The following CADPS2 variants were observed in gnomAD, a reference collection of about 807,000 sequenced individuals.
The protein encoded by CADPS2 is calcium-dependent secretion activator 2.
In CADPS2, 93 loss-of-function variants were observed where a neutral mutation model predicts 172.5. The observed-to-expected ratio is 0.54, with a 90% CI of 0.46 to 0.64. The LOEUF (loss-of-function observed/expected upper bound fraction) is 0.64, where lower values mean the gene tolerates loss of function less well. Among genes scored for constraint, CADPS2 ranks in the 30% least tolerant of loss-of-function variants. CADPS2 has a pLI of 0.00. For synonymous variants in CADPS2, 546 were observed against 555.2 expected, an observed-to-expected ratio of 0.98 and a Z score of 0.23; for missense variants, 1,420 against 1,565.9, an observed-to-expected ratio of 0.91 and a Z score of 1.57.
intron 1 of CADPS2, among the ~76,000 whole-genome samples, chr7:122,754,236 A>C (rs2093066495): frequency 6.6e-6 from 1 of 151,938 alleles, no homozygotes; most frequent in African/African-American, 2.4e-5. Flanking sequence ...ACTATTACTA[A>C]TTTTTCTTAT....
intron 12 of CADPS2, among the ~76,000 whole-genome samples, chr7:122,476,677 CAG>C (rs2056654372): frequency 6.6e-6 from 1 of 151,988 alleles, no homozygotes; most frequent in Non-Finnish European, 1.5e-5. Context: ...TCGGAAAAAA[CAG>C]ACAGGCAAAC....
chr7:122,502,268 T>C, intron 9 of CADPS2, among the ~76,000 whole-genome samples: 1 of 152,324 alleles, frequency 6.6e-6, no homozygotes, highest in South Asian at 2.1e-4. Context: ...TTAATAATTT[T>C]TCTCTTAAAT....
At chr7:122,763,450 C>T (rs1387627692) in intron 1 of CADPS2, among the ~76,000 whole-genome samples, 1 of 152,058 alleles carries the variant, frequency 6.6e-6, no homozygotes, top group South Asian at 2.1e-4. Flanking sequence ...AAATATGGGT[C>T]ATATGTATTT....
chr7:122,794,794 T>C (rs558196306), intron 1 of CADPS2, among the ~76,000 whole-genome samples: 3 of 149,672 alleles, frequency 2.0e-5, no homozygotes, highest in East Asian at 2.0e-4. Flanking sequence ...CATAATCAAA[T>C]TGGAAATCAA....
chr7:122,752,366 T>TA (rs2092987802), intron 1 of CADPS2, among the ~76,000 whole-genome samples: 1 of 152,182 alleles, frequency 6.6e-6, no homozygotes, highest in African/African-American at 2.4e-5. Context: ...GGAAGAGCTT[T>TA]CTGAAATCCT....
At chr7:122,879,028 G>A (rs1822118447) in intron 1 of CADPS2, among the ~76,000 whole-genome samples, 1 of 152,030 alleles carries the variant, frequency 6.6e-6, no homozygotes, top group Admixed American at 6.5e-5. Flanking sequence ...CTGAGGCCAG[G>A]AGTTTGAGAC....
chr7:122,640,494 GAT>G (rs2077505272), intron 3 of CADPS2, among the ~76,000 whole-genome samples: 5 of 139,054 alleles, frequency 3.6e-5, no homozygotes, highest in African/African-American at 1.0e-4. Flanking sequence ...CACACACAGA[GAT>G]AGAGAGAGAG....
At chr7:122,361,099 C>T (rs1585257846) in intron 25 of CADPS2, 86 bp from the exon 26 acceptor site, 1 of 1,116,638 alleles carries the variant, frequency 9.0e-7, no homozygotes, top group Non-Finnish European at 1.3e-6. Context: ...TCAATTTCTT[C>T]CATCGCACAA....
intron 1 of CADPS2, among the ~76,000 whole-genome samples, chr7:122,739,445 A>G (rs1017854702): frequency 3.9e-5 from 6 of 152,224 alleles, no homozygotes; most frequent in African/African-American, 1.4e-4. Context: ...TTCCGCTATT[A>G]TAACAGTGAG....
At chr7:122,753,276 C>T (rs751783379) in intron 1 of CADPS2, among the ~76,000 whole-genome samples, 49 of 152,280 alleles carry the variant, frequency 3.2e-4, no homozygotes, top group Non-Finnish European at 6.2e-4. Flanking sequence ...TCACATTATT[C>T]ATTGTTTAAG....
chr7:122,534,801 A>C (rs532426074), intron 8 of CADPS2, among the ~76,000 whole-genome samples: 40 of 152,124 alleles, frequency 2.6e-4, no homozygotes, highest in Non-Finnish European at 5.3e-4. Context: ...CAATGAAATC[A>C]ATTTCAAAAT....
At chr7:122,508,253 T>A (rs1031219502) in intron 9 of CADPS2, among the ~76,000 whole-genome samples, 2 of 151,950 alleles carry the variant, frequency 1.3e-5, no homozygotes, top group East Asian at 3.9e-4. Context: ...ACAAGAATAC[T>A]CCCACATATA....
At position 122,528,688 on chromosome 7, in the gene CADPS2, G is replaced by C. The variant is rs545557878; in HGVS notation, c.1476-15373C>G. ...ACAAAACTATATTCACAGTGCTTCT[G>C]CTTATGAATGTAGGACACATAAAAA... On this transcript the variant is annotated intron_variant, in intron 8 of 29. Coordinates refer to ENST00000449022, the MANE Select transcript of CADPS2 (RefSeq NM_017954.11). 2.0e-5 allele frequency among the ~76,000 whole-genome samples: 3 copies of C among 152,154 alleles called. No individual in the cohort carries two copies. In the South Asian group the frequency reaches 6.2e-4, roughly 32 times the overall value.
intron 27 of CADPS2, among the ~76,000 whole-genome samples, chr7:122,358,090 A>C (rs1367846659): frequency 6.6e-6 from 1 of 152,172 alleles, no homozygotes; most frequent in Non-Finnish European, 1.5e-5. Flanking sequence ...TCCTACCAGC[A>C]ATGAATGAGA....
chr7:122,653,896 G>A (rs374104804), intron 3 of CADPS2, among the ~76,000 whole-genome samples: 3 of 151,908 alleles, frequency 2.0e-5, no homozygotes, highest in Non-Finnish European at 4.4e-5. Context: ...CTTTCCCTCC[G>A]CTCAGCCCTG....
chr7:122,837,178 A>C (rs1425188232), intron 1 of CADPS2, among the ~76,000 whole-genome samples: 2 of 152,192 alleles, frequency 1.3e-5, no homozygotes, highest in African/African-American at 2.4e-5. Context: ...CTGAATGACT[A>C]CTGGGTACAT....
intron 1 of CADPS2, among the ~76,000 whole-genome samples, chr7:122,795,793 C>T (rs1164917052): frequency 2.6e-5 from 4 of 152,114 alleles, no homozygotes; most frequent in Non-Finnish European, 5.9e-5. Context: ...CCCTTGAAAA[C>T]CAGCAAAAGA....
intron 5 of CADPS2, among the ~76,000 whole-genome samples, chr7:122,619,457 T>G (rs1056603267): frequency 9.0e-6 from 1 of 110,580 alleles, no homozygotes; most frequent in African/African-American, 3.4e-5. Flanking sequence ...TACTAAAAAA[T>G]ACAAAAAAAA....
chr7:122,458,767 C>A (rs977249013), intron 14 of CADPS2, among the ~76,000 whole-genome samples: 2 of 152,128 alleles, frequency 1.3e-5, no homozygotes, highest in African/African-American at 4.8e-5. Flanking sequence ...ACTGGCCTCT[C>A]CTGGGACCAA....
Sources: gnomAD v4.1 joint callset for allele counts (sites outside exome capture counted in the v4.1 genomes callset) on GRCh38, gnomAD v4.1.1 for gene constraint, MANE v1.5 for transcripts, NCBI Gene and HGNC (gene_info 2026-07-23, HGNC 2026-07-21) for gene names.